The following DAB2 variants were observed in gnomAD, a reference collection of about 807,000 sequenced individuals.
DAB2 encodes disabled homolog 2.
In DAB2, 28 loss-of-function variants were observed where a neutral mutation model predicts 71.6. The ratio of observed to expected loss-of-function variants is 0.39; its 90% CI spans 0.29 to 0.54. The LOEUF is 0.54. DAB2 is among the 20% of genes least tolerant of loss of function. The pLI is 0.68. For missense variants in DAB2, 867 were observed against 928.8 expected (o/e 0.93, Z 0.86); for synonymous variants, 345 against 339.7 (o/e 1.02, Z -0.17).
intron 1 of DAB2, among the ~76,000 whole-genome samples, chr5:39,407,766 T>C (rs1755639547): frequency 6.6e-6 from 1 of 152,212 alleles, no homozygotes; most frequent in Admixed American, 6.5e-5. Flanking sequence ...ATGACAGTAG[T>C]CAGCTTGAAA....
In DAB2 at chr5:39,376,787, G is replaced by T. The variant is rs768894706; in HGVS notation, c.2000C>A (p.Pro667His). Residue 667 changes from proline to histidine, a missense_variant, in exon 12 of 15, where the codon CCC becomes CAC. Coordinates refer to ENST00000320816, the MANE Select transcript of DAB2 (RefSeq NM_001343.4). The part of the protein sequence containing the change: ...DFQLRQPPAV[P>H]ARKGEQTSSG... ...AGAAGTCTGCTCTCCCTTCCGCGCG[G>T]GCACAGCAGGTGGCTGCCGCAGTTG... 3 of 1,614,066 alleles carry T rather than the reference G, an allele frequency of 1.9e-6. No homozygotes were observed. Among genetic ancestry groups the T allele is most frequent in the Admixed American group, 3.3e-5 (2 of 60,004 alleles).
chr5:39,385,571 A>C (rs761016372), intron 9 of DAB2: 2 of 152,224 alleles, frequency 1.3e-5, no homozygotes, highest in Non-Finnish European at 2.9e-5. Flanking sequence ...TCTTTGTCGA[A>C]CTGTCAACAC....
At chr5:39,415,396 A>G (rs77916014) in intron 1 of DAB2, among the ~76,000 whole-genome samples, 2 of 152,268 alleles carry the variant, frequency 1.3e-5, no homozygotes, top group East Asian at 3.9e-4. Context: ...CATAAACACC[A>G]GAAGGAAACA....
In DAB2 at chr5:39,390,459, T is replaced by A. The variant is rs535821728; in HGVS notation, c.447A>T (p.Ile149=). 4.3e-6 allele frequency: 7 copies of A among 1,614,114 alleles called. No individual in the cohort carries two copies. Among genetic ancestry groups the A allele is most frequent in the Middle Eastern group, 1.7e-4 (1 of 6,060 alleles). ...TAGAGCTCACCTGTTGCCCGGTTTT[T>A]ATGGCAAAAAACTGATGCTGGCCTT... ...GGEGQHQFFA[I]KTGQQAEPLV... The change falls in exon 5 of 15, where the codon ATA becomes ATT. Residue 149 remains isoleucine (I), a synonymous_variant. Transcript: ENST00000320816.
At position 39,392,900 on chromosome 5, in the gene DAB2, C is replaced by T. The variant is rs996062448; in HGVS notation, c.231+354G>A. On this transcript the variant is annotated intron_variant, in intron 3 of 14. Transcript: ENST00000320816. ...AATTTTATCAGAACAATTCCCAGGT[C>T]TAAAACAGGATATTCCGTGCTCTCC... 2.6e-5 allele frequency among the ~76,000 whole-genome samples: 4 copies of T among 152,296 alleles called. No homozygotes were observed. The East Asian group carries it at 7.7e-4, about 29-fold the overall frequency.
chr5:39,399,946 G>C (rs1755457536), intron 1 of DAB2, among the ~76,000 whole-genome samples: 2 of 152,164 alleles, frequency 1.3e-5, no homozygotes, highest in Admixed American at 1.3e-4. Context: ...ACTACTTAAT[G>C]ATTCCAAGGT....
chr5:39,385,767 A>G (rs1315592593), intron 9 of DAB2, among the ~76,000 whole-genome samples: 2 of 152,100 alleles, frequency 1.3e-5, no homozygotes, highest in Non-Finnish European at 2.9e-5. Context: ...GGACTTCTCT[A>G]CTCAAAGCCT....
intron 3 of DAB2, among the ~76,000 whole-genome samples, chr5:39,393,036 C>T (rs1755273204): frequency 6.6e-6 from 1 of 152,204 alleles, no homozygotes. Context: ...GAAAAGGCAT[C>T]TAGAGTCCTA....
At chr5:39,410,018 C>T (rs1755686149) in intron 1 of DAB2, among the ~76,000 whole-genome samples, 1 of 152,086 alleles carries the variant, frequency 6.6e-6, no homozygotes, top group Non-Finnish European at 1.5e-5. Context: ...AAAGTTTATT[C>T]TAGGATTTAT....
At chr5:39,418,409 T>C (rs576299072) in intron 1 of DAB2, 1 of 152,162 alleles carries the variant, frequency 6.6e-6, no homozygotes, top group Non-Finnish European at 1.5e-5. Context: ...AGACCAGGTC[T>C]TGGCCCCCTA....
chr5:39,421,097 C>G (rs985988968), intron 1 of DAB2, among the ~76,000 whole-genome samples: 7 of 152,128 alleles, frequency 4.6e-5, no homozygotes, highest in African/African-American at 1.7e-4. Flanking sequence ...CGAGGTCAGC[C>G]TGACCAAACC....
intron 9 of DAB2, chr5:39,387,551 C>T (rs1368398882): frequency 6.6e-6 from 1 of 152,066 alleles, no homozygotes; most frequent in Non-Finnish European, 1.5e-5. Flanking sequence ...ATAGCAGGTG[C>T]TCAGGAAACT....
chr5:39,384,143 T>C (rs1489846234), intron 9 of DAB2, among the ~76,000 whole-genome samples: 1 of 152,236 alleles, frequency 6.6e-6, no homozygotes, highest in South Asian at 2.1e-4. Flanking sequence ...CTCATCTATT[T>C]AGTGGTTAAA....
rs1433307982 is a variant in DAB2, at chr5:39,392,485, G to A, written c.232-22C>T. The A allele has an allele frequency of 2.6e-6, 4 of 1,566,692 alleles. No homozygotes were observed. The African/African-American group carries it at 5.4e-5, about 21-fold the overall frequency. On this transcript the variant is annotated intron_variant, in intron 3 of 14. Transcript: ENST00000320816. ...TTCCCTGATGAGGGTGGAAAAACAAGAGAAGTTGAATTTTTAAAAACATCC... is the reference window on the plus strand; with the variant it reads ...TTCCCTGATGAGGGTGGAAAAACAAAAGAAGTTGAATTTTTAAAAACATCC...
intron 1 of DAB2, among the ~76,000 whole-genome samples, chr5:39,402,411 T>C (rs1265756874): frequency 6.6e-6 from 1 of 152,134 alleles, no homozygotes; most frequent in Non-Finnish European, 1.5e-5. Context: ...AATGGTGTAA[T>C]ACTTTATTTA....
chr5:39,378,499 A>G (rs1017002067), intron 11 of DAB2, among the ~76,000 whole-genome samples: 1 of 152,328 alleles, frequency 6.6e-6, no homozygotes, highest in African/African-American at 2.4e-5. Context: ...AATGGTATTT[A>G]GGAGTGATGG....
intron 1 of DAB2, among the ~76,000 whole-genome samples, chr5:39,403,309 C>CT: frequency 6.6e-6 from 1 of 152,226 alleles, no homozygotes; most frequent in African/African-American, 2.4e-5. Context: ...TAGCATGAGA[C>CT]TGTAATGCCT....
At chr5:39,377,419 T>A (rs1357789488) in intron 11 of DAB2, 137 bp from the exon 12 acceptor site, 1 of 849,624 alleles carries the variant, frequency 1.2e-6, no homozygotes, top group African/African-American at 1.7e-5. Context: ...ATGGGAAGAA[T>A]ATGACAGATT....
chr5:39,410,968 AAGGTTG>A (rs1265678077), intron 1 of DAB2, among the ~76,000 whole-genome samples: 2 of 152,082 alleles, frequency 1.3e-5, no homozygotes, highest in Non-Finnish European at 2.9e-5. Flanking sequence ...CTTTAGGCAA[AAGGTTG>A]GTTAAAAAAT....
Sources: gnomAD v4.1 joint callset for allele counts (sites outside exome capture counted in the v4.1 genomes callset) on GRCh38, gnomAD v4.1.1 for gene constraint, MANE v1.5 for transcripts, NCBI Gene and HGNC (gene_info 2026-07-23, HGNC 2026-07-21) for gene names.